Variants in PHLDB2 observed in about 807,000 individuals in gnomAD.
PHLDB2 encodes the protein pleckstrin homology-like domain family B member 2.
In PHLDB2, 71 loss-of-function variants were observed where a neutral mutation model predicts 123.6. That is an observed-to-expected ratio of 0.57 (90% CI 0.47 to 0.70). The LOEUF is 0.70. Among genes scored for constraint, PHLDB2 ranks in the 30% least tolerant of loss-of-function variants. The pLI, the probability that PHLDB2 is intolerant of heterozygous loss-of-function variation, is 0.00. For missense variants in PHLDB2, 1,446 were observed against 1,519.5 expected, an observed-to-expected ratio of 0.95 and a Z score of 0.80; for synonymous variants, 547 against 541.6, an observed-to-expected ratio of 1.01 and a Z score of -0.14.
chr3:111,852,086 A>T (rs560411312), intron 2 of PHLDB2, among the ~76,000 whole-genome samples: 1 of 151,868 alleles, frequency 6.6e-6, no homozygotes, highest in East Asian at 1.9e-4. Context: ...TATTACAGTT[A>T]TATGCTAGGC....
intron 2 of PHLDB2, among the ~76,000 whole-genome samples, chr3:111,853,638 G>C (rs1159178784): frequency 6.6e-6 from 1 of 152,154 alleles, no homozygotes; most frequent in Non-Finnish European, 1.5e-5. Context: ...CACTTTGGAA[G>C]GCCGAGGTGG....
At chr3:111,777,442 G>T (rs1023541721) in intron 1 of PHLDB2, among the ~76,000 whole-genome samples, 3 of 151,992 alleles carry the variant, frequency 2.0e-5, no homozygotes, top group Non-Finnish European at 4.4e-5. Flanking sequence ...TTTAGGCTCA[G>T]AATTTATGGT....
rs1457699195 is a variant in PHLDB2, at chr3:111,753,278, G to C, written c.-49+20575G>C. ...ACAGTCCCACCAACAGTGTAAAAGT[G>C]TTCCTATTTCTCCACATCCTCTCCA... On this transcript the variant is annotated intron_variant, in intron 1 of 17. Transcript: ENST00000393923. Among the ~76,000 whole-genome samples, 21 of 148,140 alleles carry C rather than the reference G, an allele frequency of 1.4e-4. No homozygotes were observed. The South Asian group carries it at 2.2e-3, about 16-fold the overall frequency.
At chr3:111,790,351 C>T (rs2060862679) in intron 1 of PHLDB2, among the ~76,000 whole-genome samples, 1 of 152,178 alleles carries the variant, frequency 6.6e-6, no homozygotes, top group South Asian at 2.1e-4. Flanking sequence ...CAAAAGTTTA[C>T]TCCAACTCCT....
chr3:111,769,613 A>G (rs554037465), intron 1 of PHLDB2, among the ~76,000 whole-genome samples: 3 of 152,358 alleles, frequency 2.0e-5, no homozygotes, highest in African/African-American at 7.2e-5. Flanking sequence ...CTAAGGGAAG[A>G]GTGATGTTAG....
At chr3:111,968,788 G>A (rs542894065) in intron 15 of PHLDB2, among the ~76,000 whole-genome samples, 1 of 152,258 alleles carries the variant, frequency 6.6e-6, no homozygotes, top group East Asian at 1.9e-4. Context: ...ATTTCATCAT[G>A]CCCAACGCTC....
At chr3:111,927,662 A>C (rs1476167521) in intron 5 of PHLDB2, among the ~76,000 whole-genome samples, 2 of 152,218 alleles carry the variant, frequency 1.3e-5, no homozygotes, top group African/African-American at 4.8e-5. Flanking sequence ...TGTCCCGTGC[A>C]ATAATTGGGA....
At chr3:111,742,025 T>G (rs936995709) in intron 1 of PHLDB2, among the ~76,000 whole-genome samples, 2 of 152,098 alleles carry the variant, frequency 1.3e-5, no homozygotes, top group Non-Finnish European at 2.9e-5. Flanking sequence ...TGCACATCAT[T>G]TGGTTAGATT....
At chr3:111,831,034 G>GAAAGAAAAGAAAAGAAAGAAAGAAAGA (rs1559855393) in intron 1 of PHLDB2, among the ~76,000 whole-genome samples, 1 of 46,136 alleles carries the variant, frequency 2.2e-5, no homozygotes, top group African/African-American at 8.3e-5. Context: ...AGAAAGAAAG[G>GAAAGAAAAGAAAAGAAAGAAAGAAAGA]AAGGAAGGAA....
intron 1 of PHLDB2, among the ~76,000 whole-genome samples, chr3:111,841,046 G>A (rs1366947880): frequency 2.0e-5 from 3 of 152,044 alleles, no homozygotes; most frequent in Non-Finnish European, 2.9e-5. Context: ...TTCTTTTATA[G>A]TTACTCCATT....
chr3:111,820,121 C>T (rs1425935476), intron 1 of PHLDB2, among the ~76,000 whole-genome samples: 1 of 152,152 alleles, frequency 6.6e-6, no homozygotes, highest in Non-Finnish European at 1.5e-5. Flanking sequence ...TATTCTTCCG[C>T]CCCTAACTAC....
In PHLDB2 at chr3:111,884,854, G is replaced by T; in HGVS notation, c.777G>T (p.Leu259Phe). 6.2e-7 allele frequency: 1 copy of T among 1,614,134 alleles called. No individual in the cohort carries two copies. Among genetic ancestry groups the T allele is most frequent in the Non-Finnish European group, 8.5e-7 (1 of 1,180,018 alleles). ...CCTACAGCCGATCACTTCCCAGGTT[G>T]TACAGAGCCACAGAGAACCAGCTGA... Reference protein sequence around the residue: ...MGAYSRSLPRLYRATENQLTP... With the variant: ...MGAYSRSLPRFYRATENQLTP... The change falls in exon 2 of 18, where the codon TTG (leucine) becomes TTT (phenylalanine). Residue 259 changes from leucine (L) to phenylalanine (F), a missense_variant. Around this residue, in one of 3 missense-constraint regions of PHLDB2, gnomAD observed 832 missense variants for 831.9 expected, o/e 1.00. Transcript: ENST00000431670.
At chr3:111,739,583 AAAAACAAAACAAACAAAAAAAAAAAAC>A (rs1321044254) in intron 1 of PHLDB2, among the ~76,000 whole-genome samples, 6 of 79,416 alleles carry the variant, frequency 7.6e-5, no homozygotes, top group Admixed American at 1.3e-4. Context: ...TAAAAAAAAA[AAAAACAAAACAAACAAAAAAAAAAAAC>A]AATGGTCACA....
chr3:111,761,044 G>A lies in PHLDB2; in HGVS notation c.-49+28341G>A, dbSNP rs112668320. Among the ~76,000 whole-genome samples the A allele has an allele frequency of 9.2e-3, 1,406 of 152,012 alleles. 13 individuals are homozygous for A. Among genetic ancestry groups the A allele is most frequent in the African/African-American group, 0.031 (1,285 of 41,452 alleles). ...TACTAAAAATACAAAAATTATCTGC[G>A]CGTGGTGGTGCGTGCTTGTAGTCCC... On this transcript the variant is annotated intron_variant, in intron 1 of 17. Coordinates refer to the PHLDB2 transcript ENST00000393923.
At chr3:111,879,074 G>A (rs1045200461) in intron 1 of PHLDB2, among the ~76,000 whole-genome samples, 3 of 152,152 alleles carry the variant, frequency 2.0e-5, no homozygotes, top group Non-Finnish European at 4.4e-5. Context: ...CATCAAATGA[G>A]TTAGGGAGCA....
chr3:111,829,116 T>C (rs142276364), intron 1 of PHLDB2, among the ~76,000 whole-genome samples: 2 of 152,324 alleles, frequency 1.3e-5, no homozygotes, highest in Non-Finnish European at 2.9e-5. Flanking sequence ...CCTTCTCCTA[T>C]TGACAGCATT....
chr3:111,866,571 G>A (rs111546479), intron 1 of PHLDB2, among the ~76,000 whole-genome samples: 6 of 152,118 alleles, frequency 3.9e-5, no homozygotes, highest in Admixed American at 1.3e-4. Flanking sequence ...CGGCAAGATC[G>A]GAGAGTTTCC....
At position 111,973,797 on chromosome 3, in the gene PHLDB2, C is replaced by T. The variant is rs2072373318; in HGVS notation, c.3601C>T (p.His1201Tyr). ...AGCCATTGAAGAAGTCTATTATGAT[C>T]ACCTCAAGAATGCTAATAAGGTAAA... ...FQAIEEVYYDHLKNANKSPNP... is the reference protein window; with the variant it reads ...FQAIEEVYYDYLKNANKSPNP... Residue 1201 changes from histidine (H) to tyrosine (Y), a missense_variant, in exon 17 of 18, where the codon CAC becomes TAC. His to Tyr is a moderately conservative substitution (Grantham distance 83). Coordinates refer to ENST00000431670, the MANE Select transcript of PHLDB2 (RefSeq NM_001134438.2). 6.3e-7 allele frequency: 1 copy of T among 1,591,380 alleles called. No homozygotes were observed. The highest frequency in any genetic ancestry group is 1.7e-5 in the Admixed American group (1 of 59,430).
intron 1 of PHLDB2, among the ~76,000 whole-genome samples, chr3:111,811,172 C>T (rs1357191685): frequency 6.6e-6 from 1 of 152,144 alleles, no homozygotes; most frequent in Non-Finnish European, 1.5e-5. Context: ...GTTAAAGCCT[C>T]CTATAAAAAT....
Sources: gnomAD v4.1 joint callset for allele counts (sites outside exome capture counted in the v4.1 genomes callset) on GRCh38, gnomAD v4.1.1 for gene constraint, gnomAD v4.1.1 regional missense constraint, MANE v1.5 for transcripts, NCBI Gene and HGNC (gene_info 2026-07-23, HGNC 2026-07-21) for gene names.